Variants in CNTLN observed in about 807,000 individuals in gnomAD.
The protein encoded by CNTLN is centlein, centrosomal protein.
Under a neutral mutation model 180.0 loss-of-function variants are expected in CNTLN, and 212 were observed. The ratio of observed to expected loss-of-function variants is 1.18; its 90% CI spans 1.05 to 1.32. The LOEUF (loss-of-function observed/expected upper bound fraction) is 1.32, where lower values mean the gene tolerates loss of function less well. Among genes scored for constraint, CNTLN ranks in the 40% most tolerant of loss-of-function variants. The probability of loss-of-function intolerance (pLI) is 0.00; values close to 1 mark genes in which losing one functional copy is unlikely to be tolerated. For synonymous variants in CNTLN, 722 were observed against 563.1 expected (o/e 1.28, Z -3.99); for missense variants, 2,095 against 1,610.9 (o/e 1.30, Z -5.14).
chr9:17,524,728 A>T, the CNTLN span, among the ~76,000 whole-genome samples: 2 of 152,226 alleles, frequency 1.3e-5, no homozygotes, highest in African/African-American at 4.8e-5. Context: ...TCTCTTTGTT[A>T]ATTATGATTC....
intron 15 of CNTLN, among the ~76,000 whole-genome samples, chr9:17,407,306 T>A (rs1827471082): frequency 1.3e-5 from 2 of 152,212 alleles, no homozygotes; most frequent in African/African-American, 4.8e-5. Flanking sequence ...GAATGTTTCT[T>A]AAAAGAAGTA....
intron 2 of CNTLN, among the ~76,000 whole-genome samples, chr9:17,218,391 A>G (rs184731387): frequency 2.6e-5 from 4 of 152,132 alleles, no homozygotes; most frequent in African/African-American, 7.2e-5. Flanking sequence ...TGTTTGTACA[A>G]TATTTTTGCA....
intron 2 of CNTLN, among the ~76,000 whole-genome samples, chr9:17,198,736 G>A (rs1262806632): frequency 6.7e-6 from 1 of 149,814 alleles, no homozygotes; most frequent in Non-Finnish European, 1.5e-5. Context: ...GTGTCCACGT[G>A]TTCTCATTGT....
chr9:17,526,991 C>T, the CNTLN span, among the ~76,000 whole-genome samples: 1 of 152,136 alleles, frequency 6.6e-6, no homozygotes, highest in Non-Finnish European at 1.5e-5. Context: ...GATTCTCCTG[C>T]CTCAGCTTCC....
downstream of CNTLN, among the ~76,000 whole-genome samples, chr9:17,506,409 G>C (rs779076427): frequency 2.6e-4 from 39 of 152,070 alleles, no homozygotes; most frequent in Non-Finnish European, 4.7e-4. Flanking sequence ...ACAACAACAA[G>C]GCAGTCCTCT....
chr9:17,430,341 A>G (rs191668418), intron 18 of CNTLN, among the ~76,000 whole-genome samples: 4 of 152,084 alleles, frequency 2.6e-5, no homozygotes, highest in East Asian at 1.9e-4. Context: ...TATTACCAAA[A>G]TTACCTATCT....
At chr9:17,527,233 G>C in the CNTLN span, among the ~76,000 whole-genome samples, 1 of 152,000 alleles carries the variant, frequency 6.6e-6, no homozygotes, top group Non-Finnish European at 1.5e-5. Flanking sequence ...GTCCATTACT[G>C]TGACACTCCA....
chr9:17,325,573 A>ACG (rs1183037068), intron 8 of CNTLN, among the ~76,000 whole-genome samples: 2 of 141,762 alleles, frequency 1.4e-5, no homozygotes, highest in Admixed American at 7.0e-5. Context: ...ACACACACAC[A>ACG]CACGCACACA....
At chr9:17,430,060 T>G (rs964145903) in intron 18 of CNTLN, among the ~76,000 whole-genome samples, 1 of 152,030 alleles carries the variant, frequency 6.6e-6, no homozygotes, top group Admixed American at 6.6e-5. Flanking sequence ...GAATTGATTG[T>G]TCATCTGTCT....
At position 17,394,985 on chromosome 9, in the gene CNTLN, C is replaced by G. The variant is rs575793749; in HGVS notation, c.2531C>G (p.Thr844Ser). ...AATTGCTCTGTGGGTCGTCACCACA[C>G]TGTTCTCAATCATTCCATCAAGGTT... is the stretch of plus-strand genomic sequence containing the variant. ...KKNCSVGRHH[T>S]VLNHSIKVMS... The change falls in exon 15 of 26, where the codon ACT (threonine) becomes AGT (serine). Residue 844 changes from threonine (T) to serine (S), a missense_variant. By Grantham distance (58) the Thr-to-Ser change is moderately conservative. Transcript: ENST00000380647. 1.2e-6 allele frequency: 2 copies of G among 1,613,764 alleles called. No homozygotes were observed. The highest frequency in any genetic ancestry group is 2.7e-5 in the African/African-American group (2 of 75,030).
intron 16 of CNTLN, among the ~76,000 whole-genome samples, chr9:17,411,569 C>T (rs1190268176): frequency 6.6e-6 from 1 of 152,206 alleles, no homozygotes; most frequent in Non-Finnish European, 1.5e-5. Flanking sequence ...CTGCTAGGAA[C>T]TGGCTTACAC....
At chr9:17,428,144 A>G (rs1002433356) in intron 18 of CNTLN, among the ~76,000 whole-genome samples, 7 of 152,172 alleles carry the variant, frequency 4.6e-5, no homozygotes, top group Non-Finnish European at 1.0e-4. Flanking sequence ...CCAAGGCCCA[A>G]AGGATGAGAG....
chr9:17,470,890 T>G (rs1326901247), intron 23 of CNTLN, among the ~76,000 whole-genome samples: 1 of 152,102 alleles, frequency 6.6e-6, no homozygotes, highest in East Asian at 1.9e-4. Flanking sequence ...GTATATAAAT[T>G]TCTTGCTTCT....
At chr9:17,188,140 A>G (rs1487279659) in intron 2 of CNTLN, among the ~76,000 whole-genome samples, 1 of 151,776 alleles carries the variant, frequency 6.6e-6, no homozygotes, top group Non-Finnish European at 1.5e-5. Context: ...AGAATTAACA[A>G]AGTGTAATGT....
chr9:17,164,866 C>T (rs1278417168), intron 2 of CNTLN, among the ~76,000 whole-genome samples: 24 of 139,566 alleles, frequency 1.7e-4, no homozygotes, highest in African/African-American at 5.4e-4. Flanking sequence ...GACAGAGTCT[C>T]ACTCTGTCGC....
At chr9:17,500,779 CGTGTAGTACT>C (rs1833707189) in intron 25 of CNTLN, among the ~76,000 whole-genome samples, 3 of 63,454 alleles carry the variant, frequency 4.7e-5, no homozygotes, top group African/African-American at 1.4e-4. Context: ...GATAGGAATG[CGTGTAGTACT>C]GCGTGACATC....
intron 12 of CNTLN, among the ~76,000 whole-genome samples, chr9:17,352,217 A>G (rs1434186421): frequency 1.3e-5 from 2 of 151,896 alleles, no homozygotes; most frequent in Admixed American, 6.6e-5. Flanking sequence ...CTCGGATTGG[A>G]GTACTTCTCT....
intron 2 of CNTLN, among the ~76,000 whole-genome samples, chr9:17,194,976 C>G (rs548295323): frequency 6.6e-6 from 1 of 152,210 alleles, no homozygotes; most frequent in African/African-American, 2.4e-5. Flanking sequence ...TTATTCACTA[C>G]CATGAGAACA....
At chr9:17,405,986 G>A (rs1035295902) in intron 15 of CNTLN, among the ~76,000 whole-genome samples, 1 of 151,496 alleles carries the variant, frequency 6.6e-6, no homozygotes. Flanking sequence ...TGTTGGTCAG[G>A]CTCTGAATTT....
Sources: gnomAD v4.1 joint callset for allele counts (sites outside exome capture counted in the v4.1 genomes callset) on GRCh38, gnomAD v4.1.1 for gene constraint, MANE v1.5 for transcripts, NCBI Gene and HGNC (gene_info 2026-07-23, HGNC 2026-07-21) for gene names.